Variants in FRYL observed in about 807,000 individuals in gnomAD.
The protein encoded by FRYL is FRY like transcription coactivator.
FRYL carries 150 observed loss-of-function variants against 351.2 expected under a neutral mutation model. The observed-to-expected ratio is 0.43, with a 90% confidence interval of 0.37 to 0.49. The LOEUF (loss-of-function observed/expected upper bound fraction) is 0.49. Ranked by LOEUF, FRYL falls within the 20% of genes least tolerant of loss-of-function variation. FRYL has a pLI of 0.00. For synonymous variants in FRYL, 1,153 were observed against 1,257.1 expected, an observed-to-expected ratio of 0.92 and a Z score of 1.75; for missense variants, 3,036 against 3,619.3, an observed-to-expected ratio of 0.84 and a Z score of 4.13.
intron 3 of FRYL, chr4:48,653,614 T>C (rs1021398176): frequency 1.4e-6 from 1 of 734,128 alleles, no homozygotes; most frequent in African/African-American, 1.9e-5. Flanking sequence ...TTTCAACAGC[T>C]TTTTATCTAT....
chr4:48,653,409 C>T (rs574995878), intron 3 of FRYL, among the ~76,000 whole-genome samples: 5 of 152,094 alleles, frequency 3.3e-5, no homozygotes, highest in Non-Finnish European at 5.9e-5. Flanking sequence ...TCTTCTTCCC[C>T]CGTCCCACAC....
At chr4:48,689,140 C>T (rs1378276245) in intron 2 of FRYL, among the ~76,000 whole-genome samples, 1 of 152,182 alleles carries the variant, frequency 6.6e-6, no homozygotes, top group East Asian at 1.9e-4. Flanking sequence ...GCAATGTTCT[C>T]TGCAGGTGAA....
chr4:48,776,443 T>C lies in FRYL; in HGVS notation c.-384+3635A>G, dbSNP rs1362460167. Among the ~76,000 whole-genome samples the C allele has an allele frequency of 3.3e-5, 5 of 152,238 alleles. No homozygotes were observed. The East Asian group carries it at 9.6e-4, about 29-fold the overall frequency. ...TTTAAACTTCTTTACAGTAAGTGAT[T>C]TTCTAGAATACTGGTGGGCTATTAA... On this transcript the variant is annotated intron_variant, in intron 1 of 63. Transcript: ENST00000358350.
At chr4:48,609,173 T>G (rs922469501) in intron 8 of FRYL, 106 bp from the exon 9 acceptor site, 1 of 680,072 alleles carries the variant, frequency 1.5e-6, no homozygotes, top group African/African-American at 1.8e-5. Flanking sequence ...TAATTTTCTC[T>G]GAATATTCAT....
intron 1 of FRYL, among the ~76,000 whole-genome samples, chr4:48,743,777 G>A (rs1223640479): frequency 1.3e-5 from 2 of 152,220 alleles, no homozygotes; most frequent in Non-Finnish European, 2.9e-5. Flanking sequence ...TGAAGGCCCT[G>A]ATGGAGAAAG....
At position 48,540,475 on chromosome 4, in the gene FRYL, C is replaced by A. The variant is rs1191445763; in HGVS notation, c.6173G>T (p.Gly2058Val). The A allele has an allele frequency of 6.2e-7, 1 of 1,613,900 alleles. No homozygotes were observed. The highest frequency in any genetic ancestry group is 1.3e-5 in the African/African-American group (1 of 74,898). ...QSKLKWTNFP[G>V]LQQLFLKGFT... ...ACCCTTAAGGAAGAGCTGCTGAAGT[C>A]CTGGAAAATTAGTCCATTTCAATTT... is the stretch of plus-strand genomic sequence containing the variant. Residue 2058 changes from glycine (G) to valine (V), a missense_variant, in exon 46 of 64, where the codon GGA (glycine) becomes GTA (valine). By Grantham distance (109) the Gly-to-Val change is moderately radical. This residue lies in a region of FRYL where 1,987 missense variants were observed against 2,311.7 expected (regional missense o/e 0.86). Coordinates refer to ENST00000358350, the MANE Select transcript of FRYL (RefSeq NM_015030.2).
intron 59 of FRYL, chr4:48,506,384 A>T (rs145501655): frequency 5.9e-5 from 9 of 151,766 alleles, no homozygotes; most frequent in Non-Finnish European, 1.3e-4. Flanking sequence ...CATAAAATAA[A>T]AAAAAAGGAA....
intron 20 of FRYL, 91 bp downstream of exon 20, chr4:48,582,406 T>C (rs540564673): frequency 7.6e-6 from 6 of 792,864 alleles, no homozygotes; most frequent in Admixed American, 4.7e-5. Flanking sequence ...ATAATACTTT[T>C]AGTGTTTGAT....
intron 1 of FRYL, among the ~76,000 whole-genome samples, chr4:48,756,678 T>G (rs1483868021): frequency 6.6e-6 from 1 of 152,234 alleles, no homozygotes; most frequent in African/African-American, 2.4e-5. Flanking sequence ...ACAGGAGAAG[T>G]AGCTCATGCC....
chr4:48,631,299 A>G (rs890726997), intron 4 of FRYL, among the ~76,000 whole-genome samples: 1 of 152,180 alleles, frequency 6.6e-6, no homozygotes, highest in South Asian at 2.1e-4. Context: ...CCTTACCACT[A>G]TTAATCATAA....
At chr4:48,578,323 G>A (rs1740112125) in intron 23 of FRYL, among the ~76,000 whole-genome samples, 1 of 152,138 alleles carries the variant, frequency 6.6e-6, no homozygotes, top group Admixed American at 6.5e-5. Flanking sequence ...GTTATATGCT[G>A]AGAGGACTCA....
At chr4:48,644,342 T>A (rs1474335372) in intron 3 of FRYL, among the ~76,000 whole-genome samples, 2 of 152,126 alleles carry the variant, frequency 1.3e-5, no homozygotes, top group African/African-American at 4.8e-5. Context: ...CCAAAAAAAT[T>A]ACTTTAAAAA....
intron 1 of FRYL, among the ~76,000 whole-genome samples, chr4:48,772,223 C>T (rs1295563965): frequency 6.6e-6 from 1 of 152,118 alleles, no homozygotes; most frequent in Non-Finnish European, 1.5e-5. Flanking sequence ...ATACTTTACA[C>T]TTCTACAGGC....
In FRYL at chr4:48,645,154, A is replaced by ATATATATATATATATATATC. The variant is rs1373290711; in HGVS notation, c.-80-10665_-80-10664insGATATATATATATATATATA. 1.3e-3 allele frequency among the ~76,000 whole-genome samples: 155 copies of ATATATATATATATATATATC among 122,938 alleles called. 8 individuals are homozygous for ATATATATATATATATATATC. The highest frequency in any genetic ancestry group is 2.3e-3 in the Non-Finnish European group (129 of 56,276). The allele number at this position is 122,938 out of a possible 152,430, so 80.7% of individuals were successfully genotyped here. A position where few individuals can be genotyped will look rare whatever the true frequency, so the allele number is the denominator to read the frequency against. On this transcript the variant is annotated intron_variant, in intron 3 of 63. Transcript: ENST00000358350. ...TATATATATATATATATATATATAT[A>ATATATATATATATATATATC]TCAGACTGGCAAATACTAAAAAGAA... is the stretch of plus-strand genomic sequence containing the variant.
rs534211165 is a variant in FRYL at position 48,599,914 on chromosome 4, C to T, written c.1035+2106G>A. 4.6e-5 allele frequency among the ~76,000 whole-genome samples: 7 copies of T among 152,102 alleles called. No individual in the cohort carries two copies. The East Asian group carries it at 1.4e-3, about 29-fold the overall frequency. ...CTTGAGGTCAGGAGTTTGAGACCAG[C>T]CTGGCCAATATGGTGAAACCCCGTC... On this transcript the variant is annotated intron_variant, in intron 13 of 63. Coordinates refer to ENST00000358350, the MANE Select transcript of FRYL (RefSeq NM_015030.2).
intron 4 of FRYL, 50 bp downstream of exon 4, chr4:48,634,241 A>T: frequency 7.6e-7 from 1 of 1,314,228 alleles, no homozygotes; most frequent in Non-Finnish European, 1.1e-6. Flanking sequence ...TATAGTGGTT[A>T]ATACAAAAGT....
chr4:48,766,764 T>G lies in FRYL; in HGVS notation c.-384+13314A>C, dbSNP rs1477808693. Among the ~76,000 whole-genome samples, 6 of 152,204 alleles carry G rather than the reference T, an allele frequency of 3.9e-5. No homozygotes were observed. In the South Asian group the frequency reaches 1.2e-3, roughly 32 times the overall value. ...GGCTTCATTCTTTTTTCTTTTTTTGTAAAGGCATTCATCAAGTAGTGCAAA... is the reference window on the plus strand; with the variant it reads ...GGCTTCATTCTTTTTTCTTTTTTTGGAAAGGCATTCATCAAGTAGTGCAAA... On this transcript the variant is annotated intron_variant, in intron 1 of 63. Transcript: ENST00000358350.
chr4:48,545,919 C>T (rs550890245), intron 42 of FRYL, 148 bp downstream of exon 42: 1,002 of 694,816 alleles, frequency 1.4e-3, no homozygotes, highest in Middle Eastern at 3.7e-3. Flanking sequence ...TTGATTGCAT[C>T]CTAATTTTCA....
intron 1 of FRYL, among the ~76,000 whole-genome samples, chr4:48,756,269 A>G (rs181222244): frequency 4.7e-4 from 71 of 151,910 alleles, no homozygotes; most frequent in African/African-American, 1.6e-3. Flanking sequence ...TGTGTTTCCC[A>G]AAATACAATT....
Sources: allele counts gnomAD v4.1 joint callset (sites outside exome capture counted in the v4.1 genomes callset), GRCh38; gene constraint gnomAD v4.1.1; regional missense constraint gnomAD v4.1.1; transcripts MANE v1.5; gene names NCBI Gene and HGNC (gene_info 2026-07-23, HGNC 2026-07-21).